SNX2: variants seen among roughly 807,000 people sequenced by gnomAD.
SNX2 encodes the protein sorting nexin-2.
Under a neutral mutation model 69.9 loss-of-function variants are expected in SNX2, and 25 were observed. The observed-to-expected ratio is 0.36, with a 90% CI of 0.26 to 0.50. The LOEUF is 0.50. SNX2 is among the 20% of genes least tolerant of loss of function. The pLI is 0.97. For synonymous variants in SNX2, 229 were observed against 200.4 expected, an observed-to-expected ratio of 1.14 and a Z score of -1.20; for missense variants, 551 against 613.3, an observed-to-expected ratio of 0.90 and a Z score of 1.07.
intron 1 of SNX2, among the ~76,000 whole-genome samples, chr5:122,777,735 G>A (rs994371986): frequency 3.3e-5 from 5 of 152,086 alleles, no homozygotes; most frequent in African/African-American, 1.2e-4. Context: ...ACATACTTAT[G>A]GAGTACAGTG....
intron 2 of SNX2, among the ~76,000 whole-genome samples, chr5:122,798,125 G>T (rs987810696): frequency 9.2e-5 from 14 of 151,650 alleles, no homozygotes; most frequent in African/African-American, 3.1e-4. Context: ...TTTGCTTATT[G>T]TTGTAAATAT....
Position 122,801,878 on chromosome 5 carries a change from G to T in SNX2, c.400G>T (p.Glu134Ter). 6.3e-7 allele frequency: 1 copy of T among 1,590,784 alleles called. No individual in the cohort carries two copies. Among genetic ancestry groups the T allele is most frequent in the South Asian group, 1.1e-5 (1 of 87,808 alleles). Residue 134 changes from glutamate to a stop codon, truncating the protein, a stop_gained, in exon 4 of 15, where the codon GAA (glutamate) becomes TAA (stop). Coordinates refer to ENST00000379516, the MANE Select transcript of SNX2 (RefSeq NM_003100.4). LOFTEE classifies it high-confidence loss of function. ...FDRSREEIEEEANGDIFDIEI... is the reference protein window; with the variant it reads ...FDRSREEIEE ...AATTTATACTTTCTAGATTGAAGAA[G>T]AAGCAAATGGAGACATTTTTGACAT...
intron 1 of SNX2, among the ~76,000 whole-genome samples, chr5:122,787,522 C>CA (rs147690348): frequency 5.5e-5 from 8 of 146,550 alleles, no homozygotes; most frequent in African/African-American, 7.5e-5. Context: ...TGTCCCCCCC[C>CA]AAAAAAAAAA....
chr5:122,823,808 GTGTA>G (rs1295201026), intron 11 of SNX2, among the ~76,000 whole-genome samples: 7 of 148,506 alleles, frequency 4.7e-5, no homozygotes, highest in African/African-American at 1.8e-4. Flanking sequence ...GTGTGTGTGT[GTGTA>G]TGTGTAGGAA....
intron 11 of SNX2, 105 bp from the exon 12 acceptor site, chr5:122,825,945 C>A: frequency 2.0e-6 from 2 of 1,012,676 alleles, no homozygotes; most frequent in East Asian, 5.3e-5. Flanking sequence ...TAGAATAGAA[C>A]TTAAATACTT....
intron 1 of SNX2, among the ~76,000 whole-genome samples, chr5:122,776,587 T>G (rs1378776104): frequency 6.6e-6 from 1 of 152,214 alleles, no homozygotes; most frequent in Non-Finnish European, 1.5e-5. Context: ...GAATATATTT[T>G]CGGGGATTAG....
intron 1 of SNX2, among the ~76,000 whole-genome samples, chr5:122,793,799 G>C (rs1408715646): frequency 2.6e-5 from 4 of 151,482 alleles, no homozygotes; most frequent in African/African-American, 9.7e-5. Context: ...TGTAATCCCA[G>C]CTACTCAGGA....
At chr5:122,785,864 G>A (rs1255355835) in intron 1 of SNX2, among the ~76,000 whole-genome samples, 4 of 152,142 alleles carry the variant, frequency 2.6e-5, no homozygotes, top group Admixed American at 2.0e-4. Context: ...GTTTTGTTGG[G>A]TGGAGTGTCG....
At chr5:122,808,638 TA>T (rs1365676590) in intron 7 of SNX2, 1 of 205,916 alleles carries the variant, frequency 4.9e-6, no homozygotes, top group African/African-American at 2.3e-5. Context: ...AGAAAACATA[TA>T]AAGACATGAG....
chr5:122,796,696 G>T (rs1753386178), intron 2 of SNX2, among the ~76,000 whole-genome samples: 2 of 152,106 alleles, frequency 1.3e-5, no homozygotes, highest in African/African-American at 4.8e-5. Flanking sequence ...ATGGTATAGG[G>T]TCATACATAG....
At chr5:122,805,620 A>G (rs1237959279) in intron 6 of SNX2, among the ~76,000 whole-genome samples, 3 of 151,876 alleles carry the variant, frequency 2.0e-5, no homozygotes, top group Non-Finnish European at 4.4e-5. Context: ...CTTTGTAGGG[A>G]TGGTTCAATC....
intron 2 of SNX2, among the ~76,000 whole-genome samples, chr5:122,796,667 A>G (rs935386278): frequency 1.3e-5 from 2 of 152,202 alleles, no homozygotes; most frequent in African/African-American, 4.8e-5. Flanking sequence ...ACTAATCTAA[A>G]ATTCTGTGTA....
At chr5:122,805,047 T>G (rs1753605824) in intron 6 of SNX2, among the ~76,000 whole-genome samples, 1 of 151,910 alleles carries the variant, frequency 6.6e-6, no homozygotes, top group Non-Finnish European at 1.5e-5. Context: ...ATCTCGGCAC[T>G]TTGGGAGACC....
At chr5:122,800,701 A>G (rs1166258276) in intron 3 of SNX2, among the ~76,000 whole-genome samples, 1 of 152,196 alleles carries the variant, frequency 6.6e-6, no homozygotes, top group Non-Finnish European at 1.5e-5. Context: ...CTTAAAATTT[A>G]TATACTTTTT....
chr5:122,809,140 AC>A (rs1753715116), intron 7 of SNX2, among the ~76,000 whole-genome samples: 1 of 152,136 alleles, frequency 6.6e-6, no homozygotes, highest in Admixed American at 6.6e-5. Context: ...ATACAGCTTA[AC>A]AACTGTTTTC....
At chr5:122,804,037 G>T (rs1173302706) in intron 6 of SNX2, among the ~76,000 whole-genome samples, 1 of 152,150 alleles carries the variant, frequency 6.6e-6, no homozygotes, top group East Asian at 1.9e-4. Flanking sequence ...TACTCGGTGG[G>T]CTGAGGCAGG....
chr5:122,825,988 A>G (rs1386977013), intron 11 of SNX2, 62 bp from the exon 12 acceptor site: 2 of 1,466,120 alleles, frequency 1.4e-6, no homozygotes, highest in Non-Finnish European at 1.9e-6. Context: ...TAACACTTCT[A>G]GTGTTAAGAA....
intron 1 of SNX2, chr5:122,775,621 G>A: frequency 1.0e-6 from 1 of 988,802 alleles, no homozygotes; most frequent in Non-Finnish European, 1.2e-6. Context: ...AGGGTGTGCC[G>A]CTGCCAGGGG....
Position 122,830,404 on chromosome 5 carries a change from T to G in SNX2, c.*756T>G, listed in dbSNP as rs1754259227. Among the ~76,000 whole-genome samples, 1 of 152,166 alleles carries G rather than the reference T, an allele frequency of 6.6e-6. No individual in the cohort carries two copies. Among genetic ancestry groups the G allele is most frequent in the Admixed American group, 6.6e-5 (1 of 15,254 alleles). On this transcript the variant is annotated 3_prime_UTR_variant, in exon 15 of 15. Transcript: ENST00000379516. ...CCCAATTTAAGAATTAGGAAAAAAA[T>G]GTATTTATATACTTTTACAAGTCCC...
Sources: allele counts gnomAD v4.1 joint callset (sites outside exome capture counted in the v4.1 genomes callset), GRCh38; gene constraint gnomAD v4.1.1; transcripts MANE v1.5; gene names NCBI Gene and HGNC (gene_info 2026-07-23, HGNC 2026-07-21).